The following CAST variants were observed in gnomAD, a reference collection of about 807,000 sequenced individuals.
The protein encoded by CAST is calpastatin, also known as MIR583 host.
In CAST, 76 loss-of-function variants were observed where a neutral mutation model predicts 119.6. The ratio of observed to expected loss-of-function variants is 0.64; its 90% CI spans 0.53 to 0.77. The LOEUF (loss-of-function observed/expected upper bound fraction) is 0.77. Among genes scored for constraint, CAST ranks in the 30% least tolerant of loss-of-function variants. CAST has a pLI of 0.00. For missense variants in CAST, 953 were observed against 946.5 expected (o/e 1.01, Z -0.09); for synonymous variants, 319 against 331.6 (o/e 0.96, Z 0.41).
At chr5:96,360,674 A>G in the CAST span, among the ~76,000 whole-genome samples, 1 of 152,228 alleles carries the variant, frequency 6.6e-6, no homozygotes, top group Non-Finnish European at 1.5e-5. Context: ...GGAGAACAGC[A>G]GAGATTGCTG....
At chr5:96,062,544 A>G in the CAST span, among the ~76,000 whole-genome samples, 1 of 152,112 alleles carries the variant, frequency 6.6e-6, no homozygotes. Flanking sequence ...CAGAAGATGA[A>G]CACTTTTATC....
At chr5:95,989,352 T>C in the CAST span, among the ~76,000 whole-genome samples, 1 of 152,202 alleles carries the variant, frequency 6.6e-6, no homozygotes, top group Admixed American at 6.5e-5. Context: ...TCACACTCTT[T>C]TGTTTTGTTA....
the CAST span, among the ~76,000 whole-genome samples, chr5:95,966,660 A>G: frequency 6.6e-6 from 1 of 152,198 alleles, no homozygotes; most frequent in Non-Finnish European, 1.5e-5. Flanking sequence ...GGGGCTGAGT[A>G]GAAGGCTAGG....
chr5:96,260,708 A>G, the CAST span, among the ~76,000 whole-genome samples: 16 of 152,138 alleles, frequency 1.1e-4, no homozygotes, highest in African/African-American at 3.9e-4. Flanking sequence ...ATCAGATGGC[A>G]TTTATTGGCA....
the CAST span, among the ~76,000 whole-genome samples, chr5:96,159,107 A>G: frequency 6.6e-6 from 1 of 152,220 alleles, no homozygotes; most frequent in East Asian, 1.9e-4. Context: ...AAAAATTTTA[A>G]GTCATAAAAT....
chr5:96,538,264 A>C (rs1181013605), intron 1 of CAST, among the ~76,000 whole-genome samples: 1 of 152,216 alleles, frequency 6.6e-6, no homozygotes, highest in Non-Finnish European at 1.5e-5. Flanking sequence ...TTACCAGTTA[A>C]TTTGAAGCAT....
chr5:96,227,511 C>A, the CAST span, among the ~76,000 whole-genome samples: 1 of 152,082 alleles, frequency 6.6e-6, no homozygotes, highest in Non-Finnish European at 1.5e-5. Context: ...CTGGACCGCT[C>A]AGGTTTTTTT....
chr5:96,277,762 T>C, the CAST span, among the ~76,000 whole-genome samples: 11 of 152,098 alleles, frequency 7.2e-5, no homozygotes, highest in Middle Eastern at 3.4e-3. Flanking sequence ...TTTTTTTTTT[T>C]CCCACCAGAA....
At chr5:96,521,465 C>T (rs549098247), upstream of CAST, among the ~76,000 whole-genome samples, 2 of 152,302 alleles carry the variant, frequency 1.3e-5, no homozygotes, top group East Asian at 3.9e-4. Flanking sequence ...ATGCAATGCC[C>T]TACCTGACTT....
intron 1 of CAST, among the ~76,000 whole-genome samples, chr5:96,573,489 G>A (rs261232): frequency 0.82 from 125,144 of 152,036 alleles, 51,612 homozygotes; most frequent in East Asian, 0.95. Context: ...AAAAATAAAT[G>A]ATTAGCTAGT....
rs113813466 is a variant in CAST at position 96,703,702 on chromosome 5, C to G, written c.210+7795C>G. Among the ~76,000 whole-genome samples the G allele has an allele frequency of 3.9e-3, 591 of 152,184 alleles. 10 individuals carry two copies. The highest frequency in any genetic ancestry group is 0.033 in the South Asian group (158 of 4,824). ...GGGACTTTGGGGCCTCTCTAGTTTT[C>G]TAGGAAACCACCTATGCATCAGAAT... On this transcript the variant is annotated intron_variant, in intron 3 of 31. Transcript: ENST00000675179.
intron 1 of CAST, among the ~76,000 whole-genome samples, chr5:96,667,568 C>T (rs1211464860): frequency 3.3e-5 from 5 of 152,100 alleles, no homozygotes; most frequent in Non-Finnish European, 5.9e-5. Flanking sequence ...AGGGCCTGTA[C>T]CTTTACAGTG....
At chr5:96,217,504 G>T in the CAST span, among the ~76,000 whole-genome samples, 1 of 152,074 alleles carries the variant, frequency 6.6e-6, no homozygotes, top group Admixed American at 6.6e-5. Context: ...TAAGGTACCA[G>T]CCATTTTTCC....
At chr5:96,658,416 C>T (rs1210761534), upstream of CAST, among the ~76,000 whole-genome samples, 1 of 152,122 alleles carries the variant, frequency 6.6e-6, no homozygotes, top group African/African-American at 2.4e-5. Context: ...GCTGCCAGCT[C>T]AGGTATGTGG....
the CAST span, among the ~76,000 whole-genome samples, chr5:96,331,448 C>A: frequency 6.6e-6 from 1 of 152,204 alleles, no homozygotes; most frequent in Non-Finnish European, 1.5e-5. Flanking sequence ...GTAATGAACT[C>A]AATCAACTTG....
intron 1 of CAST, among the ~76,000 whole-genome samples, chr5:96,566,428 T>C (rs1356773130): frequency 6.6e-6 from 1 of 152,214 alleles, no homozygotes; most frequent in Non-Finnish European, 1.5e-5. Context: ...TGCTAATCTA[T>C]CACTGATGAC....
At chr5:96,169,646 G>A in the CAST span, among the ~76,000 whole-genome samples, 2 of 152,138 alleles carry the variant, frequency 1.3e-5, no homozygotes, top group East Asian at 1.9e-4. Flanking sequence ...GCGTTGAGTG[G>A]GGTAAGGGTG....
chr5:96,117,778 T>C, the CAST span, among the ~76,000 whole-genome samples: 1 of 152,194 alleles, frequency 6.6e-6, no homozygotes, highest in East Asian at 1.9e-4. Context: ...AACTCTTTAT[T>C]TGAAAAGGAC....
the CAST span, chr5:96,412,340 G>A: frequency 6.2e-7 from 1 of 1,614,118 alleles, no homozygotes; most frequent in Non-Finnish European, 8.5e-7. Flanking sequence ...ATATTCAAAA[G>A]CCTTCTGGGC....
Sources: allele counts gnomAD v4.1 joint callset (sites outside exome capture counted in the v4.1 genomes callset), GRCh38; gene constraint gnomAD v4.1.1; transcripts MANE v1.5; gene names NCBI Gene and HGNC (gene_info 2026-07-23, HGNC 2026-07-21).